The following ZYG11A variants were observed in gnomAD, a reference collection of about 807,000 sequenced individuals.
The protein encoded by ZYG11A is protein zyg-11 homolog A.
ZYG11A carries 62 observed loss-of-function variants against 77.2 expected under a neutral mutation model. That is an observed-to-expected ratio of 0.80 (90% CI 0.65 to 0.99). ZYG11A has a LOEUF of 0.99. Among genes scored for constraint, ZYG11A ranks in the 50% least tolerant of loss-of-function variants. ZYG11A has a pLI of 0.00. For missense variants in ZYG11A, 828 were observed against 896.8 expected (o/e 0.92, Z 0.98); for synonymous variants, 315 against 324.6 (o/e 0.97, Z 0.32).
chr1:52,882,200 T>G (rs575944638), intron 11 of ZYG11A, among the ~76,000 whole-genome samples: 12 of 152,328 alleles, frequency 7.9e-5, no homozygotes, highest in African/African-American at 2.9e-4. Context: ...GCCAACTTCC[T>G]TATTTCTAAA....
chr1:52,875,272 C>T (rs1051685396), intron 8 of ZYG11A, among the ~76,000 whole-genome samples: 4 of 152,074 alleles, frequency 2.6e-5, no homozygotes, highest in Non-Finnish European at 5.9e-5. Context: ...CAGGCCAAAA[C>T]CTGATTGGAA....
chr1:52,857,240 A>G lies in ZYG11A; in HGVS notation c.499A>G (p.Ser167Gly), dbSNP rs1645830069. The change falls in exon 3 of 14, where the codon AGC becomes GGC. Residue 167 changes from serine to glycine, a missense_variant. Coordinates refer to ENST00000371528, the MANE Select transcript of ZYG11A (RefSeq NM_001004339.3). Reference protein sequence around the residue: ...NLQCLLLDSTSIPQNSRLLFF... With the variant: ...NLQCLLLDSTGIPQNSRLLFF... ...CCAGTGTCTCCTGTTAGACTCGACA[A>G]GCATCCCTCAAAATTCAAGATTACT... The G allele has an allele frequency of 1.3e-6, 2 of 1,552,274 alleles. No homozygotes were observed. The highest frequency in any genetic ancestry group is 3.9e-5 in the Admixed American group (2 of 50,998).
chr1:52,869,862 C>A (rs377270503), intron 8 of ZYG11A, among the ~76,000 whole-genome samples: 2 of 148,166 alleles, frequency 1.3e-5, no homozygotes, highest in Non-Finnish European at 3.0e-5. Flanking sequence ...GGACGGCTGA[C>A]CCCCCCACAC....
chr1:52,855,130 G>C (rs1022082033), intron 2 of ZYG11A, among the ~76,000 whole-genome samples: 1 of 151,838 alleles, frequency 6.6e-6, no homozygotes, highest in Non-Finnish European at 1.5e-5. Context: ...CCAAAGTGCT[G>C]GGATTACAGA....
chr1:52,876,828 A>G (rs772993560), intron 8 of ZYG11A, among the ~76,000 whole-genome samples: 16 of 152,130 alleles, frequency 1.1e-4, no homozygotes, highest in Non-Finnish European at 1.9e-4. Flanking sequence ...GTGCTTTGTT[A>G]TATTTTATGT....
intron 6 of ZYG11A, 37 bp from the exon 7 acceptor site, chr1:52,867,502 A>G: frequency 3.0e-6 from 4 of 1,352,320 alleles, no homozygotes; most frequent in South Asian, 2.5e-5. Flanking sequence ...CACAAACTTT[A>G]TATATAATTG....
At chr1:52,870,625 G>A (rs567351991) in intron 8 of ZYG11A, among the ~76,000 whole-genome samples, 7 of 152,356 alleles carry the variant, frequency 4.6e-5, no homozygotes, top group Admixed American at 6.5e-5. Context: ...TTGGGAGGCC[G>A]AGGCTGGCGG....
chr1:52,847,961 C>G (rs1335479253), intron 1 of ZYG11A, among the ~76,000 whole-genome samples: 1 of 152,078 alleles, frequency 6.6e-6, no homozygotes, highest in Admixed American at 6.6e-5. Flanking sequence ...GCTCCGCCTC[C>G]CTTGTTCACG....
chr1:52,875,045 G>T (rs568551497), intron 8 of ZYG11A, among the ~76,000 whole-genome samples: 30 of 152,258 alleles, frequency 2.0e-4, no homozygotes, highest in Admixed American at 3.3e-4. Context: ...AAAAAAATAG[G>T]ATGAACCAGA....
intron 8 of ZYG11A, among the ~76,000 whole-genome samples, chr1:52,868,069 C>T (rs938861139): frequency 2.5e-5 from 2 of 78,588 alleles, no homozygotes; most frequent in African/African-American, 7.4e-5. Flanking sequence ...TGGGTTCACG[C>T]GATCCCCTGC....
chr1:52,888,589 C>T (rs779423214), intron 13 of ZYG11A, among the ~76,000 whole-genome samples: 1 of 152,154 alleles, frequency 6.6e-6, no homozygotes, highest in Non-Finnish European at 1.5e-5. Flanking sequence ...AACTTGTGAC[C>T]TCAGGTGATC....
chr1:52,883,727 T>G (rs1265456734), intron 11 of ZYG11A, among the ~76,000 whole-genome samples: 2 of 151,550 alleles, frequency 1.3e-5, no homozygotes, highest in African/African-American at 2.4e-5. Context: ...ATGCCCAGCC[T>G]AATTTTTAAG....
At chr1:52,847,037 G>A (rs532553889) in intron 1 of ZYG11A, among the ~76,000 whole-genome samples, 1 of 151,520 alleles carries the variant, frequency 6.6e-6, no homozygotes, top group South Asian at 2.1e-4. Flanking sequence ...TAGTAGAGAC[G>A]GGGTTTCACT....
chr1:52,874,048 A>G (rs544896997), intron 8 of ZYG11A, among the ~76,000 whole-genome samples: 4 of 152,276 alleles, frequency 2.6e-5, no homozygotes, highest in East Asian at 3.9e-4. Flanking sequence ...GGAAGGGTCA[A>G]TTGATGGGGC....
rs767997454 is a variant in ZYG11A, at chr1:52,892,849, C to G, written c.2172C>G (p.His724Gln). 1 of 1,551,672 alleles carries G rather than the reference C, an allele frequency of 6.4e-7. No homozygotes were observed. The highest frequency in any genetic ancestry group is 1.2e-5 in the South Asian group (1 of 84,056). ...AGCTTTTGTGTGATATCCAGGAGCA[C>G]AGTGAGGCAACCCCCAAAGCACAGC... The part of the protein sequence containing the change: ...GLQLLCDIQE[H>Q]SEATPKAQQI... Residue 724 changes from histidine (H) to glutamine (Q), a missense_variant, in exon 14 of 14, where the codon CAC becomes CAG. Coordinates refer to ENST00000371528, the MANE Select transcript of ZYG11A (RefSeq NM_001004339.3).
At chr1:52,867,666 C>T (rs1438406906) in intron 7 of ZYG11A, 28 bp downstream of exon 7, 19 of 1,549,472 alleles carry the variant, frequency 1.2e-5, no homozygotes, top group Non-Finnish European at 1.6e-5. Context: ...GGCAAGATGT[C>T]TATCTCTCTA....
In ZYG11A at chr1:52,857,683, A is replaced by T; in HGVS notation, c.942A>T (p.Gln314His). The change falls in exon 3 of 14, where the codon CAA (glutamine) becomes CAT (histidine). Residue 314 changes from glutamine to histidine, a missense_variant. By Grantham distance (24) the Gln-to-His change is conservative. Transcript: ENST00000371528. ...TTATACGACTGCGGCCTGCCATGCA[A>T]TTTGTGGGACTATTGGCCACGGATG... ...ELFIRLRPAM[Q>H]FVGLLATDAG... The T allele has an allele frequency of 6.4e-7, 1 of 1,552,192 alleles. No individual in the cohort carries two copies. Among genetic ancestry groups the T allele is most frequent in the Non-Finnish European group, 8.7e-7 (1 of 1,147,074 alleles).
At chr1:52,890,602 ATTT>A in intron 13 of ZYG11A, among the ~76,000 whole-genome samples, 1 of 144,466 alleles carries the variant, frequency 6.9e-6, no homozygotes, top group East Asian at 2.1e-4. Context: ...TTGATAGGTA[ATTT>A]TTCTTTTACT....
In ZYG11A at chr1:52,857,710, T is replaced by A. The variant is rs1280048634; in HGVS notation, c.969T>A (p.Ala323=). The change falls in exon 3 of 14, where the codon GCT becomes GCA. Residue 323 remains alanine, a synonymous_variant. Coordinates refer to ENST00000371528, the MANE Select transcript of ZYG11A (RefSeq NM_001004339.3). The part of the protein sequence containing the change: ...MQFVGLLATD[A]GSSDFFTTKQ... Reference sequence around the variant, plus strand: ...TTGTGGGACTATTGGCCACGGATGCTGGCTCTTCTGACTTCTTTACTACAA... The same window carrying A: ...TTGTGGGACTATTGGCCACGGATGCAGGCTCTTCTGACTTCTTTACTACAA... 1 of 1,551,618 alleles carries A rather than the reference T, an allele frequency of 6.4e-7. No individual in the cohort carries two copies. Among genetic ancestry groups the A allele is most frequent in the South Asian group, 1.2e-5 (1 of 83,830 alleles).
Sources: gnomAD v4.1 joint callset for allele counts (sites outside exome capture counted in the v4.1 genomes callset) on GRCh38, gnomAD v4.1.1 for gene constraint, MANE v1.5 for transcripts, NCBI Gene and HGNC (gene_info 2026-07-23, HGNC 2026-07-21) for gene names.